The following PRKN variants were observed in gnomAD, a reference collection of about 807,000 sequenced individuals.
PRKN encodes the protein parkin RBR E3 ubiquitin protein ligase.
Under a neutral mutation model 59.5 loss-of-function variants are expected in PRKN, and 56 were observed. The observed-to-expected ratio is 0.94, with a 90% confidence interval of 0.76 to 1.18. PRKN has a LOEUF of 1.18. PRKN is among the 50% of genes most tolerant of loss of function. The pLI, the probability that PRKN is intolerant of heterozygous loss-of-function variation, is 0.00. For synonymous variants in PRKN, 250 were observed against 222.1 expected (o/e 1.13, Z -1.12); for missense variants, 657 against 596.4 (o/e 1.10, Z -1.06).
chr6:162,703,912 C>G (rs1778246436), intron 1 of PRKN, among the ~76,000 whole-genome samples: 1 of 152,180 alleles, frequency 6.6e-6, no homozygotes, highest in South Asian at 2.1e-4. Flanking sequence ...CTAGTACTTT[C>G]CCAGGTGCTG....
At chr6:162,374,543 GTTTGTTTA>G (rs1181492396) in intron 2 of PRKN, among the ~76,000 whole-genome samples, 1 of 151,884 alleles carries the variant, frequency 6.6e-6, no homozygotes, top group African/African-American at 2.4e-5. Flanking sequence ...TTATTTGTTT[GTTTGTTTA>G]TTTATTTATT....
intron 6 of PRKN, among the ~76,000 whole-genome samples, chr6:161,790,381 G>T (rs1790591209): frequency 6.6e-6 from 1 of 152,164 alleles, no homozygotes; most frequent in Non-Finnish European, 1.5e-5. Context: ...TTGACTCTAG[G>T]AGACACACCT....
rs2115462252 is a variant in PRKN at position 161,562,344 on chromosome 6, G to A, written c.933+7011C>T. ...TTCTCAGCTTCCTCAACACCATATG[G>A]CCCTGGATTGTCTTCTACTTTCCTT... On this transcript the variant is annotated intron_variant, in intron 8 of 11. Transcript: ENST00000366898. This position sits in a 1 kb window ranked among gnomAD's most constrained non-coding sequence, Gnocchi z 4.3. 6.6e-6 allele frequency among the ~76,000 whole-genome samples: 1 copy of A among 152,240 alleles called. No homozygotes were observed. The highest frequency in any genetic ancestry group is 2.4e-5 in the African/African-American group (1 of 41,546).
At chr6:161,717,428 A>G (rs1232184558) in intron 7 of PRKN, among the ~76,000 whole-genome samples, 1 of 152,150 alleles carries the variant, frequency 6.6e-6, no homozygotes, top group African/African-American at 2.4e-5. Context: ...CTGTGAAGAC[A>G]CTAGAACACC....
chr6:162,004,100 C>T (rs1782160191), intron 5 of PRKN, among the ~76,000 whole-genome samples: 1 of 152,084 alleles, frequency 6.6e-6, no homozygotes, highest in East Asian at 1.9e-4. Flanking sequence ...ATTGTAATCC[C>T]CAGTGTTGGA....
rs569201880 is a variant in PRKN at position 161,498,990 on chromosome 6, G to A, written c.1083+49864C>T. ...TTCTTTATCTTCTACTGAAGCCCCC[G>A]ATGCTTTGCAACCTCCGCACATTTC... On this transcript the variant is annotated intron_variant, in intron 9 of 11. Coordinates refer to ENST00000366898, the MANE Select transcript of PRKN (RefSeq NM_004562.3). This position sits in a 1 kb window ranked among gnomAD's most constrained non-coding sequence, Gnocchi z 4.2. Among the ~76,000 whole-genome samples the A allele has an allele frequency of 4.6e-5, 7 of 152,226 alleles. No homozygotes were observed. Among genetic ancestry groups the A allele is most frequent in the Admixed American group, 1.3e-4 (2 of 15,286 alleles).
In PRKN at chr6:162,464,190, T is replaced by C. The variant is rs1015487345; in HGVS notation, c.8-20717A>G. Among the ~76,000 whole-genome samples the C allele has an allele frequency of 7.9e-5, 12 of 152,340 alleles. 1 individual carries two copies. In the South Asian group the frequency reaches 1.2e-3, roughly 16 times the overall value. On this transcript the variant is annotated intron_variant, in intron 1 of 11. Coordinates refer to ENST00000366898, the MANE Select transcript of PRKN (RefSeq NM_004562.3). ...TTACTTTTTCACTTAAATTTGCAGA[T>C]GCTGATTAAAAGGCGATTACTATTT...
chr6:162,174,616 C>A (rs1241505050), intron 4 of PRKN, among the ~76,000 whole-genome samples: 1 of 152,188 alleles, frequency 6.6e-6, no homozygotes, highest in Non-Finnish European at 1.5e-5. Context: ...TTATCCAAAT[C>A]ACTATCTATT....
rs9458268 is a variant in PRKN at position 161,459,046 on chromosome 6, T to C, written c.1084-72169A>G. ...GATTTTAAGGCAAGGCTGAGCTTTC[T>C]AAAGCTACAAGCACTTCCTTCCTCA... On this transcript the variant is annotated intron_variant, in intron 9 of 11. Coordinates refer to ENST00000366898, the MANE Select transcript of PRKN (RefSeq NM_004562.3). This position sits in a 1 kb window ranked among gnomAD's most constrained non-coding sequence, Gnocchi z 4.8. Among the ~76,000 whole-genome samples, 1 of 152,176 alleles carries C rather than the reference T, an allele frequency of 6.6e-6. No individual in the cohort carries two copies. The highest frequency in any genetic ancestry group is 2.1e-4 in the South Asian group (1 of 4,830).
At chr6:161,728,746 G>T (rs1260336099) in intron 7 of PRKN, among the ~76,000 whole-genome samples, 1 of 152,150 alleles carries the variant, frequency 6.6e-6, no homozygotes, top group Non-Finnish European at 1.5e-5. Flanking sequence ...ATGATGGCAT[G>T]TAGGCTCCTG....
intron 6 of PRKN, among the ~76,000 whole-genome samples, chr6:161,869,810 C>G (rs1365591801): frequency 6.6e-6 from 1 of 152,140 alleles, no homozygotes; most frequent in Non-Finnish European, 1.5e-5. Flanking sequence ...CTGCCACATA[C>G]AGGAGACCCA....
chr6:162,353,765 A>G (rs1784722368), intron 2 of PRKN, among the ~76,000 whole-genome samples: 1 of 152,136 alleles, frequency 6.6e-6, no homozygotes, highest in South Asian at 2.1e-4. Context: ...AGCATGTATT[A>G]CTTAAGTTGT....
rs545986092 is a variant in PRKN at position 162,142,561 on chromosome 6, C to T, written c.534+58570G>A. On this transcript the variant is annotated intron_variant, in intron 4 of 11. Transcript: ENST00000366898. ...CCTAGCCGAATGACCATCCTGACCC[C>T]CTGGATTTTTTATTTATGCAATAAA... Among the ~76,000 whole-genome samples, 3 of 152,246 alleles carry T rather than the reference C, an allele frequency of 2.0e-5. No homozygotes were observed. In the South Asian group the frequency reaches 6.2e-4, roughly 32 times the overall value.
rs371146962 is a variant in PRKN at position 162,410,927 on chromosome 6, C to T, written c.171+32383G>A. The stretch of plus-strand genomic sequence containing the variant: ...AAGGAAATGATACTTTAGCTTATTT[C>T]ATTGTTGAATGGAGCAAAGTTGAAA... On this transcript the variant is annotated intron_variant, in intron 2 of 11. Transcript: ENST00000366898. Among the ~76,000 whole-genome samples, 252 of 152,242 alleles carry T rather than the reference C, an allele frequency of 1.7e-3. 10 individuals carry two copies. In the South Asian group the frequency reaches 0.05, roughly 30 times the overall value.
chr6:162,714,289 T>C (rs534731480), intron 1 of PRKN, among the ~76,000 whole-genome samples: 45 of 152,132 alleles, frequency 3.0e-4, no homozygotes, highest in Admixed American at 1.1e-3. Context: ...TTTAGAACAA[T>C]TGTGAAAAAA....
Position 161,544,866 on chromosome 6 carries a change from A to G in PRKN, c.1083+3988T>C, listed in dbSNP as rs112734421. Among the ~76,000 whole-genome samples, 3 of 152,334 alleles carry G rather than the reference A, an allele frequency of 2.0e-5. No individual in the cohort carries two copies. Among genetic ancestry groups the G allele is most frequent in the African/African-American group, 7.2e-5 (3 of 41,584 alleles). The stretch of plus-strand genomic sequence containing the variant: ...TCTGGAATCTGATTTTCCAATGGAC[A>G]TTCCCATATGTTTGAACAAAAGAGT... On this transcript the variant is annotated intron_variant, in intron 9 of 11. Coordinates refer to ENST00000366898, the MANE Select transcript of PRKN (RefSeq NM_004562.3). This position sits in a 1 kb window ranked among gnomAD's most constrained non-coding sequence, Gnocchi z 5.5.
At chr6:161,854,013 A>G (rs1322758424) in intron 6 of PRKN, among the ~76,000 whole-genome samples, 1 of 151,568 alleles carries the variant, frequency 6.6e-6, no homozygotes, top group Non-Finnish European at 1.5e-5. Context: ...CGGGAGACCA[A>G]GGCAGGTGGA....
intron 7 of PRKN, among the ~76,000 whole-genome samples, chr6:161,620,626 G>A (rs138050860): frequency 2.0e-5 from 3 of 152,108 alleles, no homozygotes; most frequent in African/African-American, 2.4e-5. Flanking sequence ...ACTTTGCATC[G>A]ACATTTCCTG....
rs542856544 is a variant in PRKN, at chr6:161,987,375, C to T, written c.619-13958G>A. ...CTTATGTAAAATATATATCGATGGG[C>T]GTAGACATGTGTGCTTTATACATAT... On this transcript the variant is annotated intron_variant, in intron 5 of 11. Transcript: ENST00000366898. Among the ~76,000 whole-genome samples the T allele has an allele frequency of 4.6e-5, 7 of 152,218 alleles. 1 individual carries two copies. The South Asian group carries it at 1.5e-3, about 32-fold the overall frequency.
Sources: gnomAD v4.1 joint callset for allele counts (sites outside exome capture counted in the v4.1 genomes callset) on GRCh38, gnomAD v4.1.1 for gene constraint, Gnocchi (gnomAD v3.1) non-coding constraint, MANE v1.5 for transcripts, NCBI Gene and HGNC (gene_info 2026-07-23, HGNC 2026-07-21) for gene names.